The following HTR1F variants were observed in gnomAD, a reference collection of about 807,000 sequenced individuals.
The protein encoded by HTR1F is 5-hydroxytryptamine (serotonin) receptor 1F, G protein-coupled.
Under a neutral mutation model 24.0 loss-of-function variants are expected in HTR1F, and 17 were observed. That is an observed-to-expected ratio of 0.71 (90% CI 0.48 to 1.06). The LOEUF (loss-of-function observed/expected upper bound fraction) is 1.06. HTR1F is among the 50% of genes least tolerant of loss of function. The probability of loss-of-function intolerance (pLI) is 0.00; values close to 1 mark genes in which losing one functional copy is unlikely to be tolerated. For synonymous variants in HTR1F, 186 were observed against 156.8 expected (o/e 1.19, Z -1.39); for missense variants, 391 against 427.8 (o/e 0.91, Z 0.76).
intron 2 of HTR1F, among the ~76,000 whole-genome samples, chr3:87,879,620 A>G (rs558765109): frequency 6.6e-6 from 1 of 152,338 alleles, no homozygotes; most frequent in South Asian, 2.1e-4. Context: ...TCATTAAAGA[A>G]AAATATGCCA....
chr3:87,908,570 T>A (rs1031454388), intron 2 of HTR1F, among the ~76,000 whole-genome samples: 77 of 152,224 alleles, frequency 5.1e-4, no homozygotes, highest in African/African-American at 1.8e-3. Context: ...GTAGTTTCTG[T>A]ATTTTGAATA....
At chr3:87,835,289 C>T (rs138811436) in intron 2 of HTR1F, among the ~76,000 whole-genome samples, 2,503 of 141,566 alleles carry the variant, frequency 0.018, 77 homozygotes, top group African/African-American at 0.063. Context: ...CCCCCGCAAA[C>T]CCAACCCCAC....
At chr3:87,877,512 G>A (rs1272935811) in intron 2 of HTR1F, among the ~76,000 whole-genome samples, 1 of 152,062 alleles carries the variant, frequency 6.6e-6, no homozygotes, top group African/African-American at 2.4e-5. Flanking sequence ...AGTTAATGAT[G>A]ATTAAGTTAT....
At chr3:87,961,209 A>G (rs1259765609) in intron 2 of HTR1F, among the ~76,000 whole-genome samples, 2 of 152,018 alleles carry the variant, frequency 1.3e-5, no homozygotes, top group African/African-American at 4.8e-5. Flanking sequence ...ACCAATCAAC[A>G]ATTATAGTAG....
intron 2 of HTR1F, among the ~76,000 whole-genome samples, chr3:87,953,106 A>G (rs1358422648): frequency 2.0e-5 from 3 of 151,832 alleles, no homozygotes; most frequent in Non-Finnish European, 2.9e-5. Context: ...CTACTAGAAT[A>G]AATATAGGGA....
intron 2 of HTR1F, among the ~76,000 whole-genome samples, chr3:87,927,505 C>CA (rs1187314023): frequency 5.9e-5 from 9 of 151,542 alleles, no homozygotes; most frequent in South Asian, 4.2e-4. Context: ...ACAGTCACAC[C>CA]AAAAAAATGT....
chr3:87,951,269 C>T (rs921885819), intron 2 of HTR1F, among the ~76,000 whole-genome samples: 4 of 152,032 alleles, frequency 2.6e-5, no homozygotes, highest in African/African-American at 7.2e-5. Context: ...ACAGCATTAC[C>T]ACGAAGAACA....
rs112459737 is a variant in HTR1F, at chr3:87,895,868, C to G, written c.-43+73744C>G. On this transcript the variant is annotated intron_variant, in intron 2 of 2. Transcript: ENST00000319595. ...ACAGGTAAGATAAGAGTTAATAGCTCTGGAACCAAAAAAAGACAGGCAGGG... is the reference window on the plus strand; with the variant it reads ...ACAGGTAAGATAAGAGTTAATAGCTGTGGAACCAAAAAAAGACAGGCAGGG... Among the ~76,000 whole-genome samples, 79 of 152,158 alleles carry G rather than the reference C, an allele frequency of 5.2e-4. 2 individuals carry two copies. Among genetic ancestry groups the G allele is most frequent in the African/African-American group, 1.9e-3 (78 of 41,510 alleles).
intron 2 of HTR1F, among the ~76,000 whole-genome samples, chr3:87,909,144 G>C (rs1431051266): frequency 6.6e-6 from 1 of 151,992 alleles, no homozygotes; most frequent in Non-Finnish European, 1.5e-5. Context: ...GTAAATACTA[G>C]TGCCCAACTC....
intron 2 of HTR1F, among the ~76,000 whole-genome samples, chr3:87,851,338 T>C (rs1705082096): frequency 1.3e-5 from 2 of 151,636 alleles, no homozygotes; most frequent in South Asian, 2.1e-4. Context: ...GCTTCCATTT[T>C]ACTGAAATGG....
chr3:87,817,407 C>T (rs1280599819), intron 1 of HTR1F, among the ~76,000 whole-genome samples: 1 of 152,082 alleles, frequency 6.6e-6, no homozygotes, highest in Non-Finnish European at 1.5e-5. Flanking sequence ...TAATAACTTT[C>T]TGAATGGTAA....
At chr3:87,912,395 A>T (rs1703797390) in intron 2 of HTR1F, among the ~76,000 whole-genome samples, 1 of 152,078 alleles carries the variant, frequency 6.6e-6, no homozygotes, top group Admixed American at 6.6e-5. Context: ...GTAGAACTAC[A>T]AAGCACTGCT....
chr3:87,890,857 T>A (rs1706064467), intron 2 of HTR1F, among the ~76,000 whole-genome samples: 1 of 151,684 alleles, frequency 6.6e-6, no homozygotes, highest in South Asian at 2.1e-4. Flanking sequence ...TTTTTTTTTT[T>A]TTGAGACAGA....
chr3:87,850,718 A>G (rs58460783), intron 2 of HTR1F, among the ~76,000 whole-genome samples: 18,784 of 151,636 alleles, frequency 0.12, 1,642 homozygotes, highest in African/African-American at 0.22. Context: ...TTTATATTTT[A>G]TTAAGCACAA....
chr3:87,937,691 A>G (rs1474643499), intron 2 of HTR1F, among the ~76,000 whole-genome samples: 7 of 152,158 alleles, frequency 4.6e-5, no homozygotes, highest in Admixed American at 4.6e-4. Flanking sequence ...TGGGAGGATG[A>G]GGCAGGAGGA....
At chr3:87,852,585 T>A (rs1047788586) in intron 2 of HTR1F, among the ~76,000 whole-genome samples, 2 of 151,884 alleles carry the variant, frequency 1.3e-5, no homozygotes, top group African/African-American at 4.8e-5. Context: ...GTAGATTTTT[T>A]AAATTTATTA....
At chr3:87,929,184 G>A (rs57578050) in intron 2 of HTR1F, among the ~76,000 whole-genome samples, 4,884 of 152,234 alleles carry the variant, frequency 0.032, 240 homozygotes, top group African/African-American at 0.11. Context: ...TAGCTGCAGT[G>A]AGTGTAAAAG....
chr3:87,857,831 T>C (rs564853742), intron 2 of HTR1F, among the ~76,000 whole-genome samples: 3 of 152,314 alleles, frequency 2.0e-5, no homozygotes, highest in Non-Finnish European at 2.9e-5. Context: ...CCTTTCCCCA[T>C]GTAAGGTAAC....
At chr3:87,955,263 T>C (rs1414890267) in intron 2 of HTR1F, among the ~76,000 whole-genome samples, 1 of 151,468 alleles carries the variant, frequency 6.6e-6, no homozygotes, top group Non-Finnish European at 1.5e-5. Flanking sequence ...TTCGCACCTA[T>C]ATTAGTTTCG....
Sources: allele counts gnomAD v4.1 joint callset (sites outside exome capture counted in the v4.1 genomes callset), GRCh38; gene constraint gnomAD v4.1.1; transcripts MANE v1.5; gene names NCBI Gene and HGNC (gene_info 2026-07-23, HGNC 2026-07-21).